The following RTEL1 variants were observed in gnomAD, a reference collection of about 807,000 sequenced individuals.
RTEL1 encodes regulator of telomere length.
RTEL1 carries 86 observed loss-of-function variants against 162.2 expected under a neutral mutation model. That is an observed-to-expected ratio of 0.53 (90% confidence interval 0.45 to 0.63). The LOEUF (loss-of-function observed/expected upper bound fraction) is 0.63, where lower values mean the gene tolerates loss of function less well. Ranked by LOEUF, RTEL1 falls within the 30% of genes least tolerant of loss-of-function variation. The pLI, the probability that RTEL1 is intolerant of heterozygous loss-of-function variation, is 0.00. For missense variants in RTEL1, 1,941 were observed against 1,750.2 expected (o/e 1.11, Z -1.95); for synonymous variants, 958 against 717.9 (o/e 1.33, Z -5.35).
intron 14 of RTEL1, among the ~76,000 whole-genome samples, chr20:63,684,977 A>G (rs916197358): frequency 6.0e-5 from 9 of 151,020 alleles, no homozygotes; most frequent in African/African-American, 2.2e-4. Flanking sequence ...TCCTGGGCTC[A>G]GGGGATCCTC....
In RTEL1 at chr20:63,693,271, C is replaced by T; in HGVS notation, c.2980C>T (p.Leu994=). 1 of 1,611,770 alleles carries T rather than the reference C, an allele frequency of 6.2e-7. No individual in the cohort carries two copies. Residue 994 remains leucine, a synonymous_variant, in exon 30 of 35, where the codon CTG becomes TTG. Coordinates refer to ENST00000360203, the MANE Select transcript of RTEL1 (RefSeq NM_001283009.2). ...IPRRQRAQPV[L]DPTGRTAPDP... is the part of the protein sequence containing the mutation. ...CCGAAGGCAGCGGGCACAGCCGGTCCTGGACCCCACTGGTAAATGGGGCCC... is the reference window on the plus strand; with the variant it reads ...CCGAAGGCAGCGGGCACAGCCGGTCTTGGACCCCACTGGTAAATGGGGCCC...
rs142568980 is a variant in RTEL1 at position 63,694,416 on chromosome 20, G to T, written c.3037G>T (p.Ala1013Ser). ...DPKLTVSTAA[A>S]QQLDPQEHLN... ...CAAGCTGACCGTGTCCACGGCTGCA[G>T]CCCAGCAGCTGGACCCCCAAGAGCA... is the stretch of plus-strand genomic sequence containing the variant. The change falls in exon 31 of 35, where the codon GCC becomes TCC. Residue 1013 changes from alanine (A) to serine (S), a missense_variant. Transcript: ENST00000360203. The T allele has an allele frequency of 2.5e-6, 4 of 1,612,394 alleles. No individual in the cohort carries two copies. Among genetic ancestry groups the T allele is most frequent in the Middle Eastern group, 1.7e-4 (1 of 6,058 alleles).
intron 10 of RTEL1, among the ~76,000 whole-genome samples, chr20:63,674,950 C>T (rs1485228020): frequency 1.3e-5 from 2 of 151,760 alleles, no homozygotes; most frequent in East Asian, 3.9e-4. Context: ...TTTTGTTGCC[C>T]AGGCTGGAGT....
intron 8 of RTEL1, among the ~76,000 whole-genome samples, chr20:63,671,757 CTGGG>C (rs1177429856): frequency 2.0e-5 from 3 of 150,850 alleles, no homozygotes; most frequent in Admixed American, 2.0e-4. Flanking sequence ...TCCGAAAGTG[CTGGG>C]CTTGCAGGCG....
chr20:63,696,064 G>A lies in RTEL1; in HGVS notation c.*206G>A, dbSNP rs1401983823. On this transcript the variant is annotated 3_prime_UTR_variant, in exon 35 of 35. Transcript: ENST00000360203. ...CCTCTGAGAAGCCCTGAGCTACCTT[G>A]GGGTCTGGGGTGGGTTTCTGGGAAA... 4 of 574,106 alleles carry A rather than the reference G, an allele frequency of 7.0e-6. No individual in the cohort carries two copies. The highest frequency in any genetic ancestry group is 1.2e-5 in the Non-Finnish European group (4 of 326,542). 35.6% of individuals were successfully genotyped at this position (574,106 alleles called of 1,614,324 possible). A position where few individuals can be genotyped will look rare whatever the true frequency, so the allele number is the denominator to read the frequency against.
At chr20:63,676,340 C>T (rs559031935) in intron 10 of RTEL1, among the ~76,000 whole-genome samples, 138 of 152,284 alleles carry the variant, frequency 9.1e-4, no homozygotes, top group African/African-American at 3.1e-3. Flanking sequence ...GGCAGCCACA[C>T]GAGTTCCCCG....
Position 63,672,627 on chromosome 20 carries a change from T to A in RTEL1, c.765+6T>A. 1 of 1,577,048 alleles carries A rather than the reference T, an allele frequency of 6.3e-7. No homozygotes were observed. Among genetic ancestry groups the A allele is most frequent in the Admixed American group, 1.8e-5 (1 of 55,286 alleles). On this transcript the variant is annotated splice_donor_region_variant and intron_variant, in intron 9 of 34. Coordinates refer to ENST00000360203, the MANE Select transcript of RTEL1 (RefSeq NM_001283009.2). Reference sequence around the variant, plus strand: ...TTGACGAAGCTCACAACGTGGTGAGTCTCCGCTGGCCTCCTAAACACCTCC... The same window carrying A: ...TTGACGAAGCTCACAACGTGGTGAGACTCCGCTGGCCTCCTAAACACCTCC...
chr20:63,666,053 C>G lies in RTEL1; in HGVS notation c.588C>G (p.Asp196Glu). ...CCAGCCCCATCCTGGACATTGAGGACTTGGTCAAGAGCGGAAGCAAGCACA... is the reference window on the plus strand; with the variant it reads ...CCAGCCCCATCCTGGACATTGAGGAGTTGGTCAAGAGCGGAAGCAAGCACA... ...ELASPILDIEDLVKSGSKHRV... is the reference protein window; with the variant it reads ...ELASPILDIEELVKSGSKHRV... Residue 196 changes from aspartate to glutamate, a missense_variant, in exon 7 of 35, where the codon GAC (aspartate) becomes GAG (glutamate). Physicochemically the swap from Asp to Glu is conservative, Grantham distance 45. Coordinates refer to ENST00000360203, the MANE Select transcript of RTEL1 (RefSeq NM_001283009.2). 1 of 1,614,194 alleles carries G rather than the reference C, an allele frequency of 6.2e-7. No homozygotes were observed. The highest frequency in any genetic ancestry group is 8.5e-7 in the Non-Finnish European group (1 of 1,180,026).
Position 63,692,734 on chromosome 20 carries a change from GA to G in RTEL1, c.2653-69del, listed in dbSNP as rs150430870. On this transcript the variant is annotated intron_variant, in intron 28 of 34. Transcript: ENST00000360203. ...CCCAGGGAACGCTCAATGTTCCAAGGAAGGCTCTGCAGCCCCAGGGACCAGA... is the reference window on the plus strand; with the variant it reads ...CCCAGGGAACGCTCAATGTTCCAAGGAGGCTCTGCAGCCCCAGGGACCAGA... 3,382 of 1,454,376 alleles carry G rather than the reference GA, an allele frequency of 2.3e-3. 72 individuals are homozygous for G. In the African/African-American group the frequency reaches 0.041, roughly 18 times the overall value. 90.1% of individuals were successfully genotyped at this position (1,454,376 alleles called of 1,614,324 possible).
chr20:63,681,867 G>A, intron 14 of RTEL1: 2 of 985,376 alleles, frequency 2.0e-6, no homozygotes, highest in Non-Finnish European at 2.4e-6. Context: ...AGGCACGGTG[G>A]GCATCCCAGG....
At chr20:63,680,272 G>T (rs1344602832) in intron 13 of RTEL1, among the ~76,000 whole-genome samples, 1 of 152,234 alleles carries the variant, frequency 6.6e-6, no homozygotes, top group Non-Finnish European at 1.5e-5. Flanking sequence ...TCTCAGAGTT[G>T]TGGGGTCCAG....
intron 10 of RTEL1, among the ~76,000 whole-genome samples, chr20:63,676,355 A>C (rs2090349142): frequency 6.6e-6 from 1 of 151,984 alleles, no homozygotes; most frequent in African/African-American, 2.4e-5. Context: ...TCCCCGGTTT[A>C]CTCTGAACTT....
chr20:63,673,401 TAAAATC>T (rs938557743), intron 9 of RTEL1, among the ~76,000 whole-genome samples: 42 of 152,058 alleles, frequency 2.8e-4, no homozygotes, highest in East Asian at 1.4e-3. Flanking sequence ...TCAAAAAAAA[TAAAATC>T]AAAAAGAATA....
chr20:63,669,592 A>G (rs1439577701), intron 8 of RTEL1, among the ~76,000 whole-genome samples: 2 of 152,276 alleles, frequency 1.3e-5, no homozygotes, highest in Non-Finnish European at 2.9e-5. Context: ...TTCTCCCATA[A>G]CTAAGCAAAC....
Position 63,661,704 on chromosome 20 carries a change from A to G in RTEL1, c.302-146A>G. On this transcript the variant is annotated intron_variant, in intron 3 of 34. Transcript: ENST00000360203. This position sits in a 1 kb window ranked among gnomAD's most constrained non-coding sequence, Gnocchi z 5.1. ...CTGAATTAGGGCACGGCAGATGCCC[A>G]CTTCACCCATTTTTGATAAACCAGT... The G allele has an allele frequency of 2.3e-6, 2 of 880,968 alleles. No individual in the cohort carries two copies. The highest frequency in any genetic ancestry group is 1.6e-5 in the South Asian group (1 of 62,698). 54.6% of individuals were successfully genotyped at this position (880,968 alleles called of 1,614,324 possible).
At chr20:63,672,322 G>A (rs2090259999) in intron 8 of RTEL1, among the ~76,000 whole-genome samples, 2 of 152,322 alleles carry the variant, frequency 1.3e-5, no homozygotes, top group Non-Finnish European at 1.5e-5. Flanking sequence ...CTGTCTTGCT[G>A]AGCGTGGCAC....
intron 9 of RTEL1, among the ~76,000 whole-genome samples, chr20:63,672,933 G>A (rs757477822): frequency 2.6e-5 from 4 of 152,188 alleles, no homozygotes; most frequent in Non-Finnish European, 5.9e-5. Context: ...CTCTGCCCTC[G>A]GCAGCAGCAG....
At chr20:63,665,109 A>AGT (rs112246475) in intron 6 of RTEL1, 9,487 of 153,548 alleles carry the variant, frequency 0.062, 360 homozygotes, top group Non-Finnish European at 0.085. Flanking sequence ...GGTGTGTGTG[A>AGT]GTGTGTGTGT....
intron 14 of RTEL1, chr20:63,682,123 T>TC: frequency 1.0e-6 from 1 of 985,146 alleles, no homozygotes; most frequent in African/African-American, 1.7e-5. Flanking sequence ...CTTCCCAGGC[T>TC]CCCACTTATG....
Sources: gnomAD v4.1 joint callset for allele counts (sites outside exome capture counted in the v4.1 genomes callset) on GRCh38, gnomAD v4.1.1 for gene constraint, Gnocchi (gnomAD v3.1) non-coding constraint, MANE v1.5 for transcripts, NCBI Gene and HGNC (gene_info 2026-07-23, HGNC 2026-07-21) for gene names.